ANKDD1B: variants seen among roughly 807,000 people sequenced by gnomAD.
ANKDD1B encodes the protein ankyrin repeat and death domain-containing protein 1B.
In ANKDD1B, 57 loss-of-function variants were observed where a neutral mutation model predicts 59.7. The observed-to-expected ratio is 0.95, with a 90% CI of 0.77 to 1.19. The LOEUF is 1.19. ANKDD1B is among the 50% of genes most tolerant of loss of function. The probability of loss-of-function intolerance (pLI) is 0.00; values close to 1 mark genes in which losing one functional copy is unlikely to be tolerated. For missense variants in ANKDD1B, 602 were observed against 641.9 expected (o/e 0.94, Z 0.67); for synonymous variants, 216 against 239.5 (o/e 0.90, Z 0.91).
At position 75,635,900 on chromosome 5, in the gene ANKDD1B, T is replaced by C. The variant is rs1774288388; in HGVS notation, c.798+18T>C. ...TGAATGAGGTATGTGGAAGTGCTCG[T>C]TATTGCCATAGGACTTAAATGTGGA... is the stretch of plus-strand genomic sequence containing the variant. On this transcript the variant is annotated intron_variant, in intron 7 of 13. Coordinates refer to ENST00000601380, the MANE Select transcript of ANKDD1B (RefSeq NM_001276713.2). 2.7e-6 allele frequency: 4 copies of C among 1,464,594 alleles called. No individual in the cohort carries two copies. Among genetic ancestry groups the C allele is most frequent in the East Asian group, 2.5e-5 (1 of 40,098 alleles). The allele number at this position is 1,464,594 out of a possible 1,614,324, so 90.7% of individuals were successfully genotyped here.
intron 11 of ANKDD1B, 62 bp from the exon 12 acceptor site, chr5:75,666,730 C>G: frequency 8.0e-7 from 1 of 1,250,250 alleles, no homozygotes; most frequent in Non-Finnish European, 1.1e-6. Flanking sequence ...CATATATACT[C>G]TGAAATAAGG....
Position 75,625,917 on chromosome 5 carries a change from CA to C in ANKDD1B, c.564del (p.Asp189IlefsTer7). ...TGTGCGCATCGTGGAGTATCTTATT[CA>C]AGATCTGCACCTCAAGGACCTGAAC... is the stretch of plus-strand genomic sequence containing the variant. ...NHVRIVEYLIQDLHLKDLNQP... is the reference protein window; with the variant it reads ...NHVRIVEYLIXDLHLKDLNQP... On this transcript the variant is annotated frameshift_variant, in exon 5 of 14. Coordinates refer to ENST00000601380, the MANE Select transcript of ANKDD1B (RefSeq NM_001276713.2). LOFTEE classifies it high-confidence loss of function. 1 of 1,536,142 alleles carries C rather than the reference CA, an allele frequency of 6.5e-7. No homozygotes were observed. The highest frequency in any genetic ancestry group is 8.7e-7 in the Non-Finnish European group (1 of 1,146,884).
intron 2 of ANKDD1B, among the ~76,000 whole-genome samples, chr5:75,617,260 C>T (rs1174356329): frequency 6.6e-6 from 1 of 152,130 alleles, no homozygotes; most frequent in Non-Finnish European, 1.5e-5. Context: ...AAAGGCAGAA[C>T]ATTTTTTTGC....
intron 3 of ANKDD1B, among the ~76,000 whole-genome samples, chr5:75,620,872 C>A (rs1207440013): frequency 1.3e-5 from 2 of 152,212 alleles, no homozygotes; most frequent in Non-Finnish European, 2.9e-5. Flanking sequence ...CCATGATCAG[C>A]TCCCCTACAT....
chr5:75,652,677 G>C (rs2111995012), intron 7 of ANKDD1B, among the ~76,000 whole-genome samples: 1 of 152,332 alleles, frequency 6.6e-6, no homozygotes, highest in East Asian at 1.9e-4. Flanking sequence ...GGGCTCAAGT[G>C]ATCTACTGGC....
At chr5:75,625,601 A>G (rs1412581668) in intron 3 of ANKDD1B, 46 bp from the exon 4 acceptor site, 1 of 1,460,258 alleles carries the variant, frequency 6.8e-7, no homozygotes, top group Non-Finnish European at 9.3e-7. Context: ...ATATGGCTGC[A>G]GCTTGTCAGA....
chr5:75,623,132 A>C (rs573130787), intron 3 of ANKDD1B, among the ~76,000 whole-genome samples: 1 of 152,242 alleles, frequency 6.6e-6, no homozygotes, highest in African/African-American at 2.4e-5. Context: ...AGGCTAGAGT[A>C]CAACGGCGCA....
chr5:75,632,795 A>G (rs540170388), intron 5 of ANKDD1B, among the ~76,000 whole-genome samples: 1 of 152,336 alleles, frequency 6.6e-6, no homozygotes, highest in South Asian at 2.1e-4. Context: ...ACATTACATT[A>G]TAATTACTTG....
intron 5 of ANKDD1B, 45 bp downstream of exon 5, chr5:75,626,000 A>C: frequency 7.4e-7 from 1 of 1,360,308 alleles, no homozygotes; most frequent in Non-Finnish European, 1.0e-6. Context: ...ACCCCTATCA[A>C]ATTTCACTTT....
chr5:75,611,813 C>A lies in ANKDD1B; in HGVS notation c.179C>A (p.Ala60Asp), dbSNP rs79228722. The A allele has an allele frequency of 3.2e-3, 3,971 of 1,231,902 alleles. 76 individuals carry two copies. In the African/African-American group the frequency reaches 0.048, roughly 15 times the overall value. 76.3% of individuals were successfully genotyped at this position (1,231,902 alleles called of 1,614,324 possible). A position where few individuals can be genotyped will look rare whatever the true frequency, so the allele number is the denominator to read the frequency against. Residue 60 changes from alanine (A) to aspartate (D), a missense_variant, in exon 1 of 14, where the codon GCC (alanine) becomes GAC (aspartate). Ala to Asp is a moderately radical substitution (Grantham distance 126). Coordinates refer to ENST00000601380, the MANE Select transcript of ANKDD1B (RefSeq NM_001276713.2). ...EGLGEEDTAV[A>D]GHELLLPNER... ...CTTGGAGAGGAGGACACAGCAGTTG[C>A]CGGACACGAGCTCCGTGAGTCCCGG...
chr5:75,654,706 T>C (rs748340683), intron 8 of ANKDD1B, among the ~76,000 whole-genome samples: 10 of 152,046 alleles, frequency 6.6e-5, no homozygotes, highest in Non-Finnish European at 1.5e-4. Context: ...AAGAAACAGT[T>C]GGGGAAGTGA....
chr5:75,640,571 G>A (rs77302640), intron 7 of ANKDD1B, among the ~76,000 whole-genome samples: 1,913 of 152,264 alleles, frequency 0.013, 42 homozygotes, highest in African/African-American at 0.043. Context: ...ATGACAAAGG[G>A]CAATTAAATT....
At chr5:75,632,046 G>A (rs1480142156) in intron 5 of ANKDD1B, among the ~76,000 whole-genome samples, 2 of 150,120 alleles carry the variant, frequency 1.3e-5, no homozygotes, top group Admixed American at 1.3e-4. Context: ...GGCAGAGGTT[G>A]CAATGAGCCA....
intron 5 of ANKDD1B, among the ~76,000 whole-genome samples, chr5:75,632,471 C>G (rs1774190666): frequency 6.6e-6 from 1 of 152,052 alleles, no homozygotes. Flanking sequence ...TAGGATAAGC[C>G]AAAAAAATAT....
chr5:75,640,618 C>A (rs1266138923), intron 7 of ANKDD1B, among the ~76,000 whole-genome samples: 1 of 152,074 alleles, frequency 6.6e-6, no homozygotes, highest in Non-Finnish European at 1.5e-5. Context: ...GGAGAAACAC[C>A]ATTCTTTCTG....
chr5:75,615,020 G>A (rs1222638604), intron 1 of ANKDD1B, among the ~76,000 whole-genome samples: 1 of 152,302 alleles, frequency 6.6e-6, no homozygotes, highest in African/African-American at 2.4e-5. Flanking sequence ...AAATTACTTA[G>A]TGTCAGGTAT....
chr5:75,616,253 A>G (rs1446380840), intron 1 of ANKDD1B, among the ~76,000 whole-genome samples: 1 of 152,224 alleles, frequency 6.6e-6, no homozygotes, highest in Non-Finnish European at 1.5e-5. Flanking sequence ...GTGAAATGTG[A>G]TGTTTATAGT....
intron 3 of ANKDD1B, among the ~76,000 whole-genome samples, chr5:75,623,941 T>C (rs758433306): frequency 6.6e-6 from 1 of 152,244 alleles, no homozygotes; most frequent in Non-Finnish European, 1.5e-5. Context: ...AATACATTAA[T>C]GCAACTTGGG....
chr5:75,642,138 TGA>T lies in ANKDD1B; in HGVS notation c.798+6262_798+6263del, dbSNP rs201551693. On this transcript the variant is annotated intron_variant, in intron 7 of 13. Coordinates refer to ENST00000601380, the MANE Select transcript of ANKDD1B (RefSeq NM_001276713.2). ...TTTATATATACATGCACAGGGATTG[TGA>T]GAGAGGAAAATCAAAGTAGTGTGAG... Among the ~76,000 whole-genome samples, 172 of 152,242 alleles carry T rather than the reference TGA, an allele frequency of 1.1e-3. 1 individual carries two copies. In the East Asian group the frequency reaches 0.028, roughly 25 times the overall value.
Sources: allele counts gnomAD v4.1 joint callset (sites outside exome capture counted in the v4.1 genomes callset), GRCh38; gene constraint gnomAD v4.1.1; transcripts MANE v1.5; gene names NCBI Gene and HGNC (gene_info 2026-07-23, HGNC 2026-07-21).